The following PRKG1 variants were observed in gnomAD, a reference collection of about 807,000 sequenced individuals.
PRKG1 encodes the protein protein kinase cGMP-dependent 1.
In PRKG1, 35 loss-of-function variants were observed where a neutral mutation model predicts 88.1. The ratio of observed to expected loss-of-function variants is 0.40; its 90% CI spans 0.30 to 0.53. The LOEUF (loss-of-function observed/expected upper bound fraction) is 0.53, where lower values mean the gene tolerates loss of function less well. Ranked by LOEUF, PRKG1 falls within the 20% of genes least tolerant of loss-of-function variation. PRKG1 has a pLI of 0.59. For synonymous variants in PRKG1, 303 were observed against 292.5 expected (o/e 1.04, Z -0.37); for missense variants, 540 against 839.8 (o/e 0.64, Z 4.41).
At chr10:51,236,049 T>C (rs898225761) in intron 2 of PRKG1, among the ~76,000 whole-genome samples, 1 of 152,106 alleles carries the variant, frequency 6.6e-6, no homozygotes, top group Non-Finnish European at 1.5e-5. Context: ...GAATTTGCAG[T>C]CTAACAAGAT....
intron 1 of PRKG1, among the ~76,000 whole-genome samples, chr10:51,044,572 T>A (rs1843463878): frequency 6.8e-6 from 1 of 147,304 alleles, no homozygotes; most frequent in African/African-American, 2.6e-5. Context: ...TAGAGGAAAT[T>A]TTTTTTTTTA....
chr10:51,626,641 A>G (rs1374890361), intron 3 of PRKG1, among the ~76,000 whole-genome samples: 6 of 152,088 alleles, frequency 3.9e-5, no homozygotes, highest in Non-Finnish European at 7.4e-5. Flanking sequence ...GCAACAATCC[A>G]TCATCTTTTG....
intron 1 of PRKG1, among the ~76,000 whole-genome samples, chr10:51,027,809 G>A (rs781268744): frequency 5.9e-5 from 9 of 152,090 alleles, no homozygotes; most frequent in Admixed American, 2.0e-4. Context: ...AGCATGTTTT[G>A]CTGTTTAAGA....
chr10:51,935,543 C>T (rs1290596358), intron 5 of PRKG1, among the ~76,000 whole-genome samples: 2 of 152,004 alleles, frequency 1.3e-5, no homozygotes, highest in African/African-American at 4.8e-5. Context: ...ATCTTACTTC[C>T]CCTTTTAATT....
At chr10:51,449,572 T>G (rs1460969822) in intron 2 of PRKG1, among the ~76,000 whole-genome samples, 1 of 144,612 alleles carries the variant, frequency 6.9e-6, no homozygotes, top group Non-Finnish European at 1.5e-5. Context: ...CTATTTCCTG[T>G]GCTGCTACGG....
rs1335921680 is a variant in PRKG1, at chr10:51,780,379, CAATA to C, written c.593-24190_593-24187del. 1.2e-4 allele frequency among the ~76,000 whole-genome samples: 19 copies of C among 152,066 alleles called. No individual in the cohort carries two copies. In the East Asian group the frequency reaches 2.9e-3, roughly 23 times the overall value. ...ACTGGAATACAATTTGGATGCTGAA[CAATA>C]AATAAATAAATAAATTTTGGAAGAC... On this transcript the variant is annotated intron_variant, in intron 3 of 17. Transcript: ENST00000373980.
At chr10:51,902,194 G>A (rs746621357) in intron 4 of PRKG1, among the ~76,000 whole-genome samples, 28 of 152,142 alleles carry the variant, frequency 1.8e-4, no homozygotes, top group Admixed American at 4.6e-4. Flanking sequence ...TCAGCTCACC[G>A]CAACTTCTGC....
chr10:51,486,788 AT>A (rs1840555345), intron 3 of PRKG1, among the ~76,000 whole-genome samples: 2 of 152,156 alleles, frequency 1.3e-5, no homozygotes, highest in South Asian at 4.1e-4. Flanking sequence ...TATTTTGCTT[AT>A]CTCACAAAAG....
At chr10:52,196,099 G>A (rs964933169) in intron 9 of PRKG1, among the ~76,000 whole-genome samples, 4 of 152,038 alleles carry the variant, frequency 2.6e-5, no homozygotes, top group Non-Finnish European at 5.9e-5. Flanking sequence ...TGCAAGCTCC[G>A]CCTCCTGGGT....
At position 51,868,615 on chromosome 10, in the gene PRKG1, A is replaced by G. The variant is rs374685929; in HGVS notation, c.699-38892A>G. Among the ~76,000 whole-genome samples, 46 of 152,170 alleles carry G rather than the reference A, an allele frequency of 3.0e-4. 1 individual carries two copies. Among genetic ancestry groups the G allele is most frequent in the African/African-American group, 1.1e-3 (44 of 41,542 alleles). ...AAGAGGAAGATCTTCATAGCTTTAC[A>G]GTGCCCTGCCCAACCCACAGTTTCC... On this transcript the variant is annotated intron_variant, in intron 4 of 17. Transcript: ENST00000373980.
At chr10:51,248,627 A>T (rs1382887783) in intron 2 of PRKG1, among the ~76,000 whole-genome samples, 3 of 151,862 alleles carry the variant, frequency 2.0e-5, no homozygotes, top group Non-Finnish European at 4.4e-5. Flanking sequence ...CTGATCACAG[A>T]AATGGTCTCT....
chr10:51,321,439 C>A (rs1841453100), intron 2 of PRKG1, among the ~76,000 whole-genome samples: 1 of 152,128 alleles, frequency 6.6e-6, no homozygotes, highest in African/African-American at 2.4e-5. Context: ...TTAGACTCTG[C>A]AGAACCTAAT....
intron 4 of PRKG1, among the ~76,000 whole-genome samples, chr10:51,871,761 G>C (rs1426628680): frequency 6.6e-6 from 1 of 152,162 alleles, no homozygotes; most frequent in African/African-American, 2.4e-5. Context: ...CAGCATGTAG[G>C]TCCAACACCT....
At chr10:51,047,989 A>G (rs1843512574) in intron 1 of PRKG1, among the ~76,000 whole-genome samples, 1 of 152,184 alleles carries the variant, frequency 6.6e-6, no homozygotes, top group African/African-American at 2.4e-5. Context: ...GGAAGGATGA[A>G]AGAGAGTTCT....
At chr10:51,146,673 C>G (rs965354803) in intron 1 of PRKG1, among the ~76,000 whole-genome samples, 1 of 152,008 alleles carries the variant, frequency 6.6e-6, no homozygotes, top group Non-Finnish European at 1.5e-5. Flanking sequence ...AAGCAATTCC[C>G]CTCCTTTTTC....
chr10:51,911,778 AG>A (rs1842222699), intron 5 of PRKG1, among the ~76,000 whole-genome samples: 1 of 152,228 alleles, frequency 6.6e-6, no homozygotes, highest in Non-Finnish European at 1.5e-5. Context: ...CATAACATTA[AG>A]GGGAAATGTG....
chr10:51,388,336 A>G (rs181829422), intron 2 of PRKG1, among the ~76,000 whole-genome samples: 4 of 152,348 alleles, frequency 2.6e-5, no homozygotes, highest in African/African-American at 7.2e-5. Context: ...GACTAGCTCA[A>G]ATAGTGACAG....
At chr10:52,152,943 G>A (rs61847265) in intron 8 of PRKG1, among the ~76,000 whole-genome samples, 1 of 152,162 alleles carries the variant, frequency 6.6e-6, no homozygotes, top group African/African-American at 2.4e-5. Context: ...ATCTGTAAAC[G>A]TGGACATTAA....
intron 1 of PRKG1, among the ~76,000 whole-genome samples, chr10:51,024,025 C>A: frequency 6.6e-6 from 1 of 152,136 alleles, no homozygotes; most frequent in South Asian, 2.1e-4. Flanking sequence ...TAATAGATTG[C>A]ATTCAAAATT....
Sources: allele counts gnomAD v4.1 joint callset (sites outside exome capture counted in the v4.1 genomes callset), GRCh38; gene constraint gnomAD v4.1.1; transcripts MANE v1.5; gene names NCBI Gene and HGNC (gene_info 2026-07-23, HGNC 2026-07-21).